RBFOX3: variants seen among roughly 807,000 people sequenced by gnomAD.
RBFOX3 encodes RNA binding protein fox-1 homolog 3.
In RBFOX3, 17 loss-of-function variants were observed where a neutral mutation model predicts 48.7. That is an observed-to-expected ratio of 0.35 (90% CI 0.24 to 0.52). The LOEUF (loss-of-function observed/expected upper bound fraction) is 0.52, where lower values mean the gene tolerates loss of function less well. Among genes scored for constraint, RBFOX3 ranks in the 20% least tolerant of loss-of-function variants. The pLI is 0.94. For missense variants in RBFOX3, 382 were observed against 497.5 expected (o/e 0.77, Z 2.21); for synonymous variants, 212 against 209.5 (o/e 1.01, Z -0.10).
chr17:79,177,739 C>A (rs1366059001), intron 4 of RBFOX3, among the ~76,000 whole-genome samples: 1 of 152,190 alleles, frequency 6.6e-6, no homozygotes, highest in African/African-American at 2.4e-5. Flanking sequence ...ACTAGTAGTT[C>A]CTGGGAACTG....
intron 1 of RBFOX3, among the ~76,000 whole-genome samples, chr17:79,608,681 G>A (rs1451462537): frequency 6.6e-6 from 1 of 152,112 alleles, no homozygotes; most frequent in South Asian, 2.1e-4. Context: ...CACGTCACCC[G>A]CTCTGTCTCC....
At chr17:79,343,127 T>C (rs2082358685) in intron 2 of RBFOX3, among the ~76,000 whole-genome samples, 2 of 152,246 alleles carry the variant, frequency 1.3e-5, no homozygotes, top group African/African-American at 2.4e-5. Context: ...TGATTCACTG[T>C]GACTTGTCCT....
chr17:79,621,592 C>T, the RBFOX3 span, among the ~76,000 whole-genome samples: 2 of 152,198 alleles, frequency 1.3e-5, no homozygotes, highest in Non-Finnish European at 2.9e-5. Context: ...TACAAGTGTC[C>T]ATGAACTTCT....
At chr17:79,251,394 GTTGATTCAGCACCCCCAAACTCACTGAAA>G (rs1373957693) in intron 3 of RBFOX3, among the ~76,000 whole-genome samples, 5 of 152,142 alleles carry the variant, frequency 3.3e-5, no homozygotes, top group Non-Finnish European at 7.3e-5. Context: ...TGGCACTAAA[GTTGATTCAGCACCCCCAAACTCACTGAAA>G]TTGATCCAGC....
intron 2 of RBFOX3, among the ~76,000 whole-genome samples, chr17:79,365,580 G>A (rs867745958): frequency 3.3e-5 from 5 of 152,260 alleles, no homozygotes; most frequent in South Asian, 2.1e-4. Flanking sequence ...AGTGCCCACT[G>A]AAGCCGGCGC....
At chr17:79,290,133 T>C (rs2072946243) in intron 3 of RBFOX3, among the ~76,000 whole-genome samples, 1 of 151,884 alleles carries the variant, frequency 6.6e-6, no homozygotes, top group South Asian at 2.1e-4. Context: ...GCACATGCTG[T>C]AGGGGGGTCC....
intron 2 of RBFOX3, among the ~76,000 whole-genome samples, chr17:79,463,154 A>ACCATCGCCACTGCCACCTCCACCG (rs1555750350): frequency 1.6e-4 from 15 of 92,862 alleles, no homozygotes; most frequent in Non-Finnish European, 1.6e-4. Context: ...CACCTCCACC[A>ACCATCGCCACTGCCACCTCCACCG]CCATCGCCAC....
chr17:79,240,441 G>A (rs985441894), intron 3 of RBFOX3, among the ~76,000 whole-genome samples: 2 of 152,200 alleles, frequency 1.3e-5, no homozygotes, highest in Admixed American at 1.3e-4. Flanking sequence ...CAAGCGGAAC[G>A]TGGATTTCTG....
intron 4 of RBFOX3, among the ~76,000 whole-genome samples, chr17:79,184,307 G>A (rs541553922): frequency 1.3e-5 from 2 of 152,270 alleles, no homozygotes; most frequent in African/African-American, 4.8e-5. Flanking sequence ...TGGGGGACAC[G>A]GGCACCGGCC....
At chr17:79,402,510 C>T (rs1390281165) in intron 2 of RBFOX3, among the ~76,000 whole-genome samples, 1 of 152,206 alleles carries the variant, frequency 6.6e-6, no homozygotes, top group African/African-American at 2.4e-5. Flanking sequence ...CCCTGAGAAG[C>T]TGTAGGGCTC....
intron 4 of RBFOX3, among the ~76,000 whole-genome samples, chr17:79,157,601 C>G (rs902960969): frequency 6.6e-6 from 1 of 152,216 alleles, no homozygotes; most frequent in Non-Finnish European, 1.5e-5. Context: ...CCCTAAGTCC[C>G]TAAAAGCTGA....
At chr17:79,502,549 T>C (rs1460569245) in intron 1 of RBFOX3, among the ~76,000 whole-genome samples, 1 of 152,232 alleles carries the variant, frequency 6.6e-6, no homozygotes, top group African/African-American at 2.4e-5. Context: ...AAATGTAATG[T>C]TTCACCATGA....
At chr17:79,452,962 A>G (rs1237250286) in intron 2 of RBFOX3, among the ~76,000 whole-genome samples, 1 of 151,952 alleles carries the variant, frequency 6.6e-6, no homozygotes, top group African/African-American at 2.4e-5. Context: ...CCCCTCCAAC[A>G]CCCACTGAGA....
intron 5 of RBFOX3, among the ~76,000 whole-genome samples, chr17:79,110,711 T>C (rs2030950675): frequency 6.6e-6 from 1 of 152,190 alleles, no homozygotes; most frequent in African/African-American, 2.4e-5. Context: ...CTGGTGGCAC[T>C]GGTGGCCCCT....
chr17:79,560,616 A>G (rs2092147616), intron 1 of RBFOX3, among the ~76,000 whole-genome samples: 1 of 152,182 alleles, frequency 6.6e-6, no homozygotes, highest in African/African-American at 2.4e-5. Flanking sequence ...CTTATGTTCC[A>G]GCACCAACTC....
At position 79,090,890 on chromosome 17, in the gene RBFOX3, A is replaced by G. The variant is rs980002968; in HGVS notation, c.1078-5T>C. ...AGGAAACGGTGGAAGGTTTCACTAC[A>G]ACAGAAACAGAAAGGCAGGACTTGC... On this transcript the variant is annotated splice_polypyrimidine_tract_variant and splice_region_variant and intron_variant, in intron 14 of 14. Coordinates refer to ENST00000693108, the MANE Select transcript of RBFOX3 (RefSeq NM_001350451.2). The G allele has an allele frequency of 6.5e-7, 1 of 1,534,750 alleles. No individual in the cohort carries two copies. Among genetic ancestry groups the G allele is most frequent in the Non-Finnish European group, 8.8e-7 (1 of 1,141,086 alleles).
intron 4 of RBFOX3, among the ~76,000 whole-genome samples, chr17:79,149,371 G>A (rs1026409598): frequency 6.6e-6 from 1 of 152,164 alleles, no homozygotes; most frequent in African/African-American, 2.4e-5. Flanking sequence ...GACAAAGGGG[G>A]GCTTGGCTCA....
chr17:79,388,213 A>C (rs184331880), intron 2 of RBFOX3, among the ~76,000 whole-genome samples: 1 of 152,316 alleles, frequency 6.6e-6, no homozygotes, highest in Non-Finnish European at 1.5e-5. Flanking sequence ...CGCAGCCCCC[A>C]TGTGCTCCAT....
intron 4 of RBFOX3, among the ~76,000 whole-genome samples, chr17:79,170,250 A>G (rs2048979995): frequency 6.6e-6 from 1 of 152,134 alleles, no homozygotes; most frequent in Non-Finnish European, 1.5e-5. Context: ...ACGGAGAACA[A>G]CAGGTTAACG....
Sources: allele counts gnomAD v4.1 joint callset (sites outside exome capture counted in the v4.1 genomes callset), GRCh38; gene constraint gnomAD v4.1.1; transcripts MANE v1.5; gene names NCBI Gene and HGNC (gene_info 2026-07-23, HGNC 2026-07-21).